Variants in HERC6 observed in about 807,000 individuals in gnomAD.
The protein encoded by HERC6 is probable E3 ubiquitin-protein ligase HERC6.
HERC6 carries 101 observed loss-of-function variants against 114.5 expected under a neutral mutation model. The observed-to-expected ratio is 0.88, with a 90% CI of 0.75 to 1.04. The LOEUF (loss-of-function observed/expected upper bound fraction) is 1.04, where lower values mean the gene tolerates loss of function less well. Ranked by LOEUF, HERC6 falls within the 50% of genes least tolerant of loss-of-function variation. The pLI is 0.00. For missense variants in HERC6, 1,133 were observed against 1,230.9 expected, an observed-to-expected ratio of 0.92 and a Z score of 1.19; for synonymous variants, 408 against 436.2, an observed-to-expected ratio of 0.94 and a Z score of 0.81.
In HERC6 at chr4:88,407,445, C is replaced by T. The variant is rs372015553; in HGVS notation, c.1275-1079C>T. ...AGATGGGGTCTTGTGCTGTTGCCCA[C>T]GCTGTAATGCAGTAGTTTGATCATA... On this transcript the variant is annotated intron_variant, in intron 10 of 22. Transcript: ENST00000264346. Among the ~76,000 whole-genome samples, 66 of 152,104 alleles carry T rather than the reference C, an allele frequency of 4.3e-4. 1 individual carries two copies. Among genetic ancestry groups the T allele is most frequent in the African/African-American group, 1.4e-3 (58 of 41,486 alleles).
At chr4:88,439,155 T>C (rs1262696279) in intron 20 of HERC6, among the ~76,000 whole-genome samples, 1 of 152,102 alleles carries the variant, frequency 6.6e-6, no homozygotes, top group Non-Finnish European at 1.5e-5. Flanking sequence ...GAAGAAATGC[T>C]GCATTCTGTG....
chr4:88,438,202 A>C (rs1382593795), intron 20 of HERC6, among the ~76,000 whole-genome samples: 2 of 152,110 alleles, frequency 1.3e-5, no homozygotes, highest in African/African-American at 4.8e-5. Context: ...AGAAAAAAGA[A>C]GCTTTTAAGA....
chr4:88,392,719 T>C (rs1177586018), intron 4 of HERC6, among the ~76,000 whole-genome samples: 1 of 152,190 alleles, frequency 6.6e-6, no homozygotes, highest in African/African-American at 2.4e-5. Flanking sequence ...AGGCCACCTC[T>C]ATGAGGACGT....
intron 13 of HERC6, among the ~76,000 whole-genome samples, chr4:88,421,881 T>C (rs1191325251): frequency 2.0e-5 from 3 of 152,256 alleles, no homozygotes; most frequent in Non-Finnish European, 2.9e-5. Flanking sequence ...GCAGTTCATA[T>C]GCTTATTGCC....
At position 88,383,353 on chromosome 4, in the gene HERC6, A is replaced by G; in HGVS notation, c.332A>G (p.Glu111Gly). ...TCTGAAGGGCAGCTGGGGATTGGAGAATTCAAGGAAATAAGTTTCACACCT... is the reference window on the plus strand; with the variant it reads ...TCTGAAGGGCAGCTGGGGATTGGAGGATTCAAGGAAATAAGTTTCACACCT... ...AGSEGQLGIG[E>G]FKEISFTPKK... is the part of the protein sequence containing the mutation. Residue 111 changes from glutamate to glycine, a missense_variant, in exon 2 of 23, where the codon GAA becomes GGA. Transcript: ENST00000264346. 1 of 1,514,412 alleles carries G rather than the reference A, an allele frequency of 6.6e-7. No homozygotes were observed. Among genetic ancestry groups the G allele is most frequent in the Non-Finnish European group, 8.8e-7 (1 of 1,133,554 alleles). The allele number at this position is 1,514,412 out of a possible 1,614,324, so 93.8% of individuals were successfully genotyped here. A position where few individuals can be genotyped will look rare whatever the true frequency, so the allele number is the denominator to read the frequency against.
chr4:88,419,932 T>C (rs1449530779), intron 13 of HERC6, among the ~76,000 whole-genome samples: 1 of 151,988 alleles, frequency 6.6e-6, no homozygotes, highest in Non-Finnish European at 1.5e-5. Flanking sequence ...GACCCAAACA[T>C]TGTCATAAAT....
chr4:88,427,094 CAAG>C (rs1464447422), intron 15 of HERC6, among the ~76,000 whole-genome samples: 1 of 152,098 alleles, frequency 6.6e-6, no homozygotes, highest in Non-Finnish European at 1.5e-5. Context: ...AGTCTGAGGA[CAAG>C]AAAACTCTTA....
chr4:88,430,463 G>A (rs1027531243), intron 16 of HERC6, among the ~76,000 whole-genome samples: 18 of 151,872 alleles, frequency 1.2e-4, no homozygotes, highest in African/African-American at 3.6e-4. Flanking sequence ...TCAGCTACTC[G>A]GGAGGCTGAG....
Position 88,408,607 on chromosome 4 carries a change from T to C in HERC6, c.1358T>C (p.Ile453Thr). The C allele has an allele frequency of 6.4e-7, 1 of 1,573,030 alleles. No individual in the cohort carries two copies. Among genetic ancestry groups the C allele is most frequent in the Non-Finnish European group, 8.7e-7 (1 of 1,154,298 alleles). Residue 453 changes from isoleucine to threonine, a missense_variant, in exon 11 of 23, where the codon ATT becomes ACT. Physicochemically the swap from Ile to Thr is moderately conservative, Grantham distance 89. This residue lies in a region of HERC6 where 735 missense variants were observed against 754.0 expected (regional missense o/e 0.97). Coordinates refer to ENST00000264346, the MANE Select transcript of HERC6 (RefSeq NM_017912.4). Reference sequence around the variant, plus strand: ...AAGAAGTTAACAAAAAAGGAATGGATTTCTTCCATGGTAATAGCCAATACT... The same window carrying C: ...AAGAAGTTAACAAAAAAGGAATGGACTTCTTCCATGGTAATAGCCAATACT... Reference protein sequence around the residue: ...TFKKLTKKEWISSMITTCLED... With the variant: ...TFKKLTKKEWTSSMITTCLED...
In HERC6 at chr4:88,390,821, G is replaced by T; in HGVS notation, c.606G>T (p.Ser202=). The T allele has an allele frequency of 6.2e-7, 1 of 1,614,212 alleles. No homozygotes were observed. The highest frequency in any genetic ancestry group is 1.1e-5 in the South Asian group (1 of 91,086). Residue 202 remains serine, a synonymous_variant, in exon 4 of 23, where the codon TCG becomes TCT. Coordinates refer to ENST00000264346, the MANE Select transcript of HERC6 (RefSeq NM_017912.4). The part of the protein sequence containing the change: ...HSFALSLCGT[S]FGWGSNSAGQ... ...TTGCCCTGTCTCTCTGTGGGACTTC[G>T]TTTGGCTGGGGAAGTAACAGTGCCG...
intron 3 of HERC6, among the ~76,000 whole-genome samples, chr4:88,387,131 T>C (rs1457395127): frequency 6.6e-6 from 1 of 152,198 alleles, no homozygotes; most frequent in Non-Finnish European, 1.5e-5. Flanking sequence ...GCATAGTGGC[T>C]CACACCTGTA....
At chr4:88,393,663 A>T in intron 5 of HERC6, 81 bp downstream of exon 5, 1 of 810,356 alleles carries the variant, frequency 1.2e-6, no homozygotes, top group African/African-American at 1.7e-5. Flanking sequence ...TTGTTGAAAG[A>T]CAGAGACATT....
intron 22 of HERC6, 21 bp from the exon 23 acceptor site, chr4:88,442,213 C>T (rs771234193): frequency 7.1e-6 from 11 of 1,549,678 alleles, no homozygotes; most frequent in Non-Finnish European, 7.9e-6. Context: ...AATATCTTAA[C>T]CAAATTTTAT....
At chr4:88,429,200 C>T (rs181593573) in intron 16 of HERC6, among the ~76,000 whole-genome samples, 168 of 152,230 alleles carry the variant, frequency 1.1e-3, no homozygotes, top group African/African-American at 3.4e-3. Context: ...CCTCCTGGGG[C>T]GAGCAAGCAT....
At chr4:88,403,375 T>G (rs1367753619) in intron 8 of HERC6, among the ~76,000 whole-genome samples, 24 of 152,200 alleles carry the variant, frequency 1.6e-4, no homozygotes, top group Admixed American at 1.6e-3. Flanking sequence ...TAAACACTTG[T>G]GGGTGATTAA....
rs1736208244 is a variant in HERC6 at position 88,413,022 on chromosome 4, A to G, written c.1369-55A>G. The stretch of plus-strand genomic sequence containing the variant: ...TTAATTTCACAGCTTGCTTCTCACA[A>G]TCCTCTGTATCTAATATATCCTGGG... On this transcript the variant is annotated intron_variant, in intron 11 of 22. Transcript: ENST00000264346. 8 of 1,290,468 alleles carry G rather than the reference A, an allele frequency of 6.2e-6. No individual in the cohort carries two copies. In the Admixed American group the frequency reaches 7.0e-5, roughly 11 times the overall value. 79.9% of individuals were successfully genotyped at this position (1,290,468 alleles called of 1,614,324 possible). A position where few individuals can be genotyped will look rare whatever the true frequency, so the allele number is the denominator to read the frequency against.
chr4:88,414,305 T>A (rs1008186874), intron 12 of HERC6, among the ~76,000 whole-genome samples: 1 of 123,966 alleles, frequency 8.1e-6, no homozygotes, highest in Non-Finnish European at 1.6e-5. Flanking sequence ...ACCCCGACTC[T>A]ACCAATTTTT....
intron 17 of HERC6, among the ~76,000 whole-genome samples, chr4:88,431,554 G>A (rs1160865785): frequency 6.6e-6 from 1 of 152,120 alleles, no homozygotes; most frequent in African/African-American, 2.4e-5. Context: ...ATCCTTAGGT[G>A]ATTCACATGC....
In HERC6 at chr4:88,393,535, G is replaced by A. The variant is rs144381760; in HGVS notation, c.712G>A (p.Val238Met). The A allele has an allele frequency of 1.5e-4, 247 of 1,613,000 alleles. No individual in the cohort carries two copies. In the East Asian group the frequency reaches 2.8e-3, roughly 18 times the overall value. ...AGTCGGTGCACTGAAGAATCTAGGTGTGGTTTATATCAGCTGTGGTGATGC... is the reference window on the plus strand; with the variant it reads ...AGTCGGTGCACTGAAGAATCTAGGTATGGTTTATATCAGCTGTGGTGATGC... ...LSVGALKNLG[V>M]VYISCGDAHT... The change falls in exon 5 of 23, where the codon GTG becomes ATG. Residue 238 changes from valine to methionine, a missense_variant. Val to Met is a conservative substitution (Grantham distance 21, BLOSUM62 1). Transcript: ENST00000264346.
Sources: allele counts gnomAD v4.1 joint callset (sites outside exome capture counted in the v4.1 genomes callset), GRCh38; gene constraint gnomAD v4.1.1; regional missense constraint gnomAD v4.1.1; transcripts MANE v1.5; gene names NCBI Gene and HGNC (gene_info 2026-07-23, HGNC 2026-07-21).